SHISA5: variants seen among roughly 807,000 people sequenced by gnomAD.
SHISA5 encodes the protein protein shisa-5.
Under a neutral mutation model 27.5 loss-of-function variants are expected in SHISA5, and 21 were observed. The ratio of observed to expected loss-of-function variants is 0.76; its 90% confidence interval spans 0.54 to 1.10. SHISA5 has a LOEUF of 1.10. SHISA5 is among the 50% of genes least tolerant of loss of function. SHISA5 has a pLI of 0.00. For synonymous variants in SHISA5, 137 were observed against 142.2 expected (o/e 0.96, Z 0.26); for missense variants, 314 against 336.3 (o/e 0.93, Z 0.52).
chr3:48,474,647 A>G (rs2040760469), intron 3 of SHISA5, among the ~76,000 whole-genome samples: 1 of 152,024 alleles, frequency 6.6e-6, no homozygotes, highest in Admixed American at 6.6e-5. Flanking sequence ...TTTAATTAAA[A>G]TTTTAAATAA....
chr3:48,471,240 C>T (rs559869927), intron 3 of SHISA5, among the ~76,000 whole-genome samples: 1 of 152,250 alleles, frequency 6.6e-6, no homozygotes, highest in Non-Finnish European at 1.5e-5. Context: ...TTTCCAACTC[C>T]TGGCCTCAAG....
chr3:48,490,186 G>C (rs1170726590), intron 2 of SHISA5, among the ~76,000 whole-genome samples: 5 of 152,134 alleles, frequency 3.3e-5, no homozygotes, highest in East Asian at 1.9e-4. Flanking sequence ...CGATTCTCCT[G>C]CCTCAGCCTC....
rs192184392 is a variant in SHISA5 at position 48,478,858 on chromosome 3, C to A, written c.314+319G>T. 2.1e-3 allele frequency among the ~76,000 whole-genome samples: 327 copies of A among 152,216 alleles called. 1 individual carries two copies. The highest frequency in any genetic ancestry group is 4.4e-3 in the Admixed American group (67 of 15,280). ...TCGCATGCCCACTACAGCCCCTTCTCTGTCACTCCTGCCCCCATCGGGACC... is the reference window on the plus strand; with the variant it reads ...TCGCATGCCCACTACAGCCCCTTCTATGTCACTCCTGCCCCCATCGGGACC... On this transcript the variant is annotated intron_variant, in intron 3 of 5. Transcript: ENST00000296444.
At chr3:48,504,232 G>A (rs1485058194), upstream of SHISA5, 2 of 387,130 alleles carry the variant, frequency 5.2e-6, no homozygotes, top group Middle Eastern at 6.6e-4. The surrounding 1 kb of genome is among the most constrained non-coding windows in gnomAD (Gnocchi z 4.0). Context: ...CTGTCCGGGG[G>A]AGCAGGAGGA....
intron 2 of SHISA5, among the ~76,000 whole-genome samples, chr3:48,483,090 A>T (rs996401571): frequency 1.4e-4 from 21 of 144,954 alleles, no homozygotes; most frequent in Non-Finnish European, 2.5e-4. Context: ...CCACCTAGCT[A>T]ATTTTTTTTT....
intron 1 of SHISA5, among the ~76,000 whole-genome samples, chr3:48,501,805 A>G (rs896174239): frequency 4.0e-5 from 6 of 151,662 alleles, no homozygotes; most frequent in African/African-American, 1.5e-4. Context: ...CCCAGGCGAG[A>G]AGTCACACAG....
At chr3:48,471,970 G>A (rs527457845) in intron 3 of SHISA5, among the ~76,000 whole-genome samples, 21 of 151,866 alleles carry the variant, frequency 1.4e-4, no homozygotes, top group African/African-American at 4.6e-4. Flanking sequence ...ATCGCTTGAG[G>A]TCAGGAGTTC....
chr3:48,503,083 C>T lies in SHISA5; in HGVS notation c.76+936G>A, dbSNP rs1023593229. On this transcript the variant is annotated intron_variant, in intron 1 of 5. Coordinates refer to ENST00000296444, the MANE Select transcript of SHISA5 (RefSeq NM_016479.6). ...TGGACCATTGACAAGCCCAGTTTGG[C>T]CAGCTGCCCACCTGAAAGCTGGTAT... The T allele has an allele frequency of 3.1e-6, 4 of 1,288,948 alleles. No homozygotes were observed. In the African/African-American group the frequency reaches 6.1e-5, roughly 20 times the overall value. 79.8% of individuals were successfully genotyped at this position (1,288,948 alleles called of 1,614,324 possible). A position where few individuals can be genotyped will look rare whatever the true frequency, so the allele number is the denominator to read the frequency against.
chr3:48,504,012 G>T lies in SHISA5; in HGVS notation c.76+7C>A. On this transcript the variant is annotated splice_region_variant and intron_variant, in intron 1 of 5. Transcript: ENST00000296444. The surrounding 1 kb of genome is among the most constrained non-coding windows in gnomAD (Gnocchi z 4.0). ...GGCAGGACGGGCCGCCCCCACCCCC[G>T]GCTCACCACCCGGAGGCGGCGTTAG... 1 of 1,467,750 alleles carries T rather than the reference G, an allele frequency of 6.8e-7. No individual in the cohort carries two copies. 90.9% of individuals were successfully genotyped at this position (1,467,750 alleles called of 1,614,324 possible). A position where few individuals can be genotyped will look rare whatever the true frequency, so the allele number is the denominator to read the frequency against.
At chr3:48,501,062 CTA>C in intron 2 of SHISA5, 73 bp downstream of exon 2, 1 of 1,449,568 alleles carries the variant, frequency 6.9e-7, no homozygotes, top group Non-Finnish European at 9.3e-7. Flanking sequence ...AGGGGCAGAG[CTA>C]TCTCTCTTCC....
intron 3 of SHISA5, among the ~76,000 whole-genome samples, chr3:48,475,017 C>T (rs1462105006): frequency 6.6e-6 from 1 of 152,186 alleles, no homozygotes; most frequent in African/African-American, 2.4e-5. Context: ...TGATCAACTA[C>T]GTCTTGCCCC....
Position 48,471,578 on chromosome 3 carries a change from A to AAAAAAAAAAAAAAAAAAACT in SHISA5, c.315-1736_315-1735insAGTTTTTTTTTTTTTTTTTT, listed in dbSNP as rs199983750. Among the ~76,000 whole-genome samples the AAAAAAAAAAAAAAAAAAACT allele has an allele frequency of 1.8e-5, 2 of 113,620 alleles. 1 individual carries two copies. The highest frequency in any genetic ancestry group is 7.1e-5 in the African/African-American group (2 of 28,056). 74.5% of individuals were successfully genotyped at this position (113,620 alleles called of 152,430 possible). A position where few individuals can be genotyped will look rare whatever the true frequency, so the allele number is the denominator to read the frequency against. ...TCAAAAAAAAAAAAAAAAAAAAAAA[A>AAAAAAAAAAAAAAAAAAACT]GTCAGCCTTACATTTTGTACTGGAT... On this transcript the variant is annotated intron_variant, in intron 3 of 5. Transcript: ENST00000296444.
In SHISA5 at chr3:48,481,441, A is replaced by AAAAATAAAATAAAAT. The variant is rs58732653; in HGVS notation, c.234-2199_234-2185dup. Among the ~76,000 whole-genome samples, 653 of 144,232 alleles carry AAAAATAAAATAAAAT rather than the reference A, an allele frequency of 4.5e-3. 15 individuals carry two copies. The highest frequency in any genetic ancestry group is 0.013 in the African/African-American group (449 of 35,868). 94.6% of individuals were successfully genotyped at this position (144,232 alleles called of 152,430 possible). ...GCAATGGACCGAGACTCTGTCTCAA[A>AAAAATAAAATAAAAT]AAAATAAAATAAAATAAAATAAAAT... On this transcript the variant is annotated intron_variant, in intron 2 of 5. Transcript: ENST00000296444.
intron 3 of SHISA5, among the ~76,000 whole-genome samples, chr3:48,474,137 G>A (rs1039379604): frequency 1.3e-5 from 2 of 150,660 alleles, no homozygotes; most frequent in African/African-American, 4.9e-5. Context: ...GCCCAGGCTG[G>A]AGTGCAGTGG....
At chr3:48,478,300 G>A (rs2040889343) in intron 3 of SHISA5, among the ~76,000 whole-genome samples, 1 of 152,188 alleles carries the variant, frequency 6.6e-6, no homozygotes, top group African/African-American at 2.4e-5. Context: ...TTCTGCTGTA[G>A]CCAGTGAGGC....
intron 2 of SHISA5, among the ~76,000 whole-genome samples, chr3:48,488,710 G>A (rs941499605): frequency 6.6e-6 from 1 of 151,280 alleles, no homozygotes; most frequent in African/African-American, 2.4e-5. Flanking sequence ...GCACATGCCT[G>A]TAATCCCAGC....
At position 48,472,610 on chromosome 3, in the gene SHISA5, A is replaced by G. The variant is rs1039144280; in HGVS notation, c.315-2767T>C. Among the ~76,000 whole-genome samples, 3 of 151,872 alleles carry G rather than the reference A, an allele frequency of 2.0e-5. No homozygotes were observed. The South Asian group carries it at 6.2e-4, about 32-fold the overall frequency. ...GTAACTGCATCAAACACATCCAAAA[A>G]CTCTAGGAGCTTTGTTAGCTGTAGG... On this transcript the variant is annotated intron_variant, in intron 3 of 5. Coordinates refer to ENST00000296444, the MANE Select transcript of SHISA5 (RefSeq NM_016479.6).
At chr3:48,502,702 G>C (rs2041792685) in intron 1 of SHISA5, among the ~76,000 whole-genome samples, 1 of 152,218 alleles carries the variant, frequency 6.6e-6, no homozygotes, top group African/African-American at 2.4e-5. Flanking sequence ...GATTCTGCCA[G>C]GGCAGACTCC....
At chr3:48,483,474 T>C (rs1457415978) in intron 2 of SHISA5, among the ~76,000 whole-genome samples, 2 of 152,128 alleles carry the variant, frequency 1.3e-5, no homozygotes, top group African/African-American at 4.8e-5. Flanking sequence ...ATGAAAGGTC[T>C]CCCATGTCTA....
Sources: allele counts gnomAD v4.1 joint callset (sites outside exome capture counted in the v4.1 genomes callset), GRCh38; gene constraint gnomAD v4.1.1; non-coding constraint Gnocchi (gnomAD v3.1); transcripts MANE v1.5; gene names NCBI Gene and HGNC (gene_info 2026-07-23, HGNC 2026-07-21).